Variants in MIA2 observed in about 807,000 individuals in gnomAD.
The protein encoded by MIA2 is melanoma inhibitory activity protein 2.
In MIA2, 127 loss-of-function variants were observed where a neutral mutation model predicts 167.8. That is an observed-to-expected ratio of 0.76 (90% CI 0.66 to 0.88). MIA2 has a LOEUF of 0.88. Among genes scored for constraint, MIA2 ranks in the 40% least tolerant of loss-of-function variants. MIA2 has a pLI of 0.00. For synonymous variants in MIA2, 552 were observed against 541.9 expected (o/e 1.02, Z -0.26); for missense variants, 1,690 against 1,624.7 (o/e 1.04, Z -0.69).
At chr14:39,367,752 A>G (rs1042775142) in intron 23 of MIA2, among the ~76,000 whole-genome samples, 2 of 152,174 alleles carry the variant, frequency 1.3e-5, no homozygotes, top group Non-Finnish European at 2.9e-5. Context: ...TGGAGGAGGC[A>G]AATGTCAGAT....
chr14:39,361,365 T>A (rs1171049217), intron 23 of MIA2, among the ~76,000 whole-genome samples: 1 of 152,050 alleles, frequency 6.6e-6, no homozygotes. Flanking sequence ...CACCTCCTTG[T>A]TTATATTTAT....
intron 23 of MIA2, among the ~76,000 whole-genome samples, chr14:39,370,051 A>C (rs151165325): frequency 0.017 from 2,561 of 152,346 alleles, 27 homozygotes; most frequent in Middle Eastern, 0.044. Flanking sequence ...TGACAACATA[A>C]GAATGAATTT....
In MIA2 at chr14:39,345,976, C is replaced by T. The variant is rs2073151155; in HGVS notation, c.3728C>T (p.Ser1243Phe). ...DRFCSNSGRL[S>F]GPAELRSFNM... Reference sequence around the variant, plus strand: ...TTTTGTTCTAATTCTGGTAGACTGTCTGGACCAGCAGAACTCAGAAGTTTT... The same window carrying T: ...TTTTGTTCTAATTCTGGTAGACTGTTTGGACCAGCAGAACTCAGAAGTTTT... The change falls in exon 26 of 29, where the codon TCT becomes TTT. Residue 1243 changes from serine (S) to phenylalanine (F), a missense_variant. Ser to Phe is a radical substitution (Grantham distance 155). Coordinates refer to ENST00000640607, the MANE Select transcript of MIA2 (RefSeq NM_001329214.4). The T allele has an allele frequency of 6.2e-7, 1 of 1,611,118 alleles. No homozygotes were observed. Among genetic ancestry groups the T allele is most frequent in the Non-Finnish European group, 8.5e-7 (1 of 1,177,534 alleles).
chr14:39,365,995 A>G (rs779239040), intron 23 of MIA2, among the ~76,000 whole-genome samples: 2 of 152,044 alleles, frequency 1.3e-5, no homozygotes, highest in Non-Finnish European at 2.9e-5. Flanking sequence ...CTTTTTCCTA[A>G]AAGTGTGCCT....
At chr14:39,285,078 T>C (rs1002051343) in intron 9 of MIA2, among the ~76,000 whole-genome samples, 9 of 152,328 alleles carry the variant, frequency 5.9e-5, no homozygotes, top group African/African-American at 1.2e-4. Context: ...GGTAAGGTCA[T>C]AGATCAACAG....
chr14:39,358,456 A>G (rs1044629596), intron 23 of MIA2, among the ~76,000 whole-genome samples: 1 of 152,114 alleles, frequency 6.6e-6, no homozygotes, highest in Non-Finnish European at 1.5e-5. Context: ...CCATTTGTCT[A>G]ATCTTTTTTT....
rs1483491014 is a variant in MIA2 at position 39,247,266 on chromosome 14, G to A, written c.692G>A (p.Gly231Glu). The change falls in exon 4 of 29, where the codon GGA becomes GAA. Residue 231 changes from glycine to glutamate, a missense_variant. Transcript: ENST00000640607. ...SGVKEWFGLG[G>E]EQAEEKAFES... ...GTCAAAGAATGGTTTGGATTGGGAGGAGAACAAGCTGAAGAGAAGGCTTTT... is the reference window on the plus strand; with the variant it reads ...GTCAAAGAATGGTTTGGATTGGGAGAAGAACAAGCTGAAGAGAAGGCTTTT... The A allele has an allele frequency of 2.5e-6, 4 of 1,613,898 alleles. No homozygotes were observed. Among genetic ancestry groups the A allele is most frequent in the Admixed American group, 3.3e-5 (2 of 59,962 alleles).
intron 21 of MIA2, 135 bp downstream of exon 21, chr14:39,315,853 A>T (rs139198504): frequency 1.6e-6 from 1 of 612,524 alleles, no homozygotes; most frequent in East Asian, 3.0e-5. Context: ...ACAAGTAGTG[A>T]AATTATGTTC....
intron 20 of MIA2, 61 bp from the exon 21 acceptor site, chr14:39,315,617 AGATGT>A: frequency 8.5e-7 from 1 of 1,172,914 alleles, no homozygotes; most frequent in African/African-American, 1.5e-5. Context: ...TCATAGTGGT[AGATGT>A]GAATGTTTTT....
At chr14:39,360,018 T>C (rs1416443437) in intron 23 of MIA2, among the ~76,000 whole-genome samples, 4 of 150,122 alleles carry the variant, frequency 2.7e-5, no homozygotes, top group African/African-American at 9.8e-5. Flanking sequence ...TTTTGTCTTA[T>C]TAATAGCCAT....
At chr14:39,253,376 T>A in intron 6 of MIA2, 1 of 691,284 alleles carries the variant, frequency 1.4e-6, no homozygotes, top group Admixed American at 3.4e-5. Flanking sequence ...CCCTAAGTTT[T>A]GTTGATGTTG....
At chr14:39,351,730 C>A (rs2074389725), downstream of MIA2, among the ~76,000 whole-genome samples, 1 of 152,120 alleles carries the variant, frequency 6.6e-6, no homozygotes, top group Non-Finnish European at 1.5e-5. Context: ...CGCAGTCTCC[C>A]AAGTAGCTGG....
intron 27 of MIA2, 90 bp from the exon 28 acceptor site, chr14:39,348,653 G>A: frequency 6.5e-7 from 1 of 1,527,916 alleles, no homozygotes. Context: ...AATGCTTTCT[G>A]TCTAGATGAT....
chr14:39,244,700 T>A (rs1451140543), intron 3 of MIA2, among the ~76,000 whole-genome samples: 4 of 152,196 alleles, frequency 2.6e-5, no homozygotes, highest in Admixed American at 6.5e-5. Flanking sequence ...ATTTGGTGGT[T>A]CTGTGAGATG....
intron 6 of MIA2, among the ~76,000 whole-genome samples, chr14:39,275,968 A>G (rs540301728): frequency 4.6e-5 from 7 of 152,234 alleles, no homozygotes; most frequent in Non-Finnish European, 8.8e-5. Flanking sequence ...AATAACTATT[A>G]AACACTGTTC....
intron 20 of MIA2, chr14:39,315,326 A>T (rs535181574): frequency 5.8e-6 from 1 of 171,752 alleles, no homozygotes; most frequent in East Asian, 1.6e-4. Flanking sequence ...AAATAAAATA[A>T]ATAAAATTGC....
chr14:39,336,704 T>G (rs2070493383), intron 25 of MIA2, among the ~76,000 whole-genome samples: 1 of 152,214 alleles, frequency 6.6e-6, no homozygotes, highest in Non-Finnish European at 1.5e-5. Flanking sequence ...AAATTTGCTT[T>G]CTGGTTTTCA....
chr14:39,260,515 G>A lies in MIA2; in HGVS notation c.1887+7344G>A, dbSNP rs1000628233. On this transcript the variant is annotated intron_variant, in intron 6 of 28. Transcript: ENST00000640607. ...CTGCATAAATGTCTTCTTTTGAAAA[G>A]TGTCTGTTCATATCCTTTGCCCACT... Among the ~76,000 whole-genome samples, 80 of 152,188 alleles carry A rather than the reference G, an allele frequency of 5.3e-4. 1 individual carries two copies. Among genetic ancestry groups the A allele is most frequent in the Non-Finnish European group, 8.8e-5 (6 of 68,030 alleles).
chr14:39,247,934 A>C lies in MIA2; in HGVS notation c.1360A>C (p.Ile454Leu), dbSNP rs757219069. ...VSEKTDESDT[I>L]PYLKKFLYNF... ...AGAAAAAACAGACGAATCTGATACT[A>C]TACCATATTTGAAAAAGTTCTTGTA... The change falls in exon 4 of 29, where the codon ATA becomes CTA. Residue 454 changes from isoleucine to leucine, a missense_variant. Ile to Leu is a conservative substitution (Grantham distance 5). Transcript: ENST00000640607. The C allele has an allele frequency of 5.0e-6, 8 of 1,598,862 alleles. No homozygotes were observed. Among genetic ancestry groups the C allele is most frequent in the African/African-American group, 4.1e-5 (3 of 73,824 alleles).
Sources: allele counts gnomAD v4.1 joint callset (sites outside exome capture counted in the v4.1 genomes callset), GRCh38; gene constraint gnomAD v4.1.1; transcripts MANE v1.5; gene names NCBI Gene and HGNC (gene_info 2026-07-23, HGNC 2026-07-21).